Variants in HS6ST3 observed in about 807,000 individuals in gnomAD.
HS6ST3 encodes heparan-sulfate 6-O-sulfotransferase 3.
In HS6ST3, 12 loss-of-function variants were observed where a neutral mutation model predicts 36.7. The ratio of observed to expected loss-of-function variants is 0.33; its 90% CI spans 0.21 to 0.53. The LOEUF (loss-of-function observed/expected upper bound fraction) is 0.53, where lower values mean the gene tolerates loss of function less well. Among genes scored for constraint, HS6ST3 ranks in the 20% least tolerant of loss-of-function variants. HS6ST3 has a pLI of 0.95. For missense variants in HS6ST3, 584 were observed against 640.9 expected, an observed-to-expected ratio of 0.91 and a Z score of 0.96; for synonymous variants, 240 against 257.5, an observed-to-expected ratio of 0.93 and a Z score of 0.65.
chr13:96,779,193 T>C (rs1257610371), intron 1 of HS6ST3, among the ~76,000 whole-genome samples: 4 of 151,872 alleles, frequency 2.6e-5, no homozygotes, highest in African/African-American at 4.8e-5. Context: ...AGGGGAGGGA[T>C]AGAATTAGTA....
intron 1 of HS6ST3, among the ~76,000 whole-genome samples, chr13:96,286,265 T>C (rs1055514365): frequency 2.6e-5 from 4 of 152,150 alleles, no homozygotes; most frequent in African/African-American, 9.7e-5. Flanking sequence ...TCTCCTTCTT[T>C]TTCTGCTTTA....
At chr13:96,575,145 A>T (rs1447240128) in intron 1 of HS6ST3, among the ~76,000 whole-genome samples, 1 of 152,148 alleles carries the variant, frequency 6.6e-6, no homozygotes, top group Non-Finnish European at 1.5e-5. Context: ...TTGGCAAGCC[A>T]TGGATATTTT....
chr13:96,776,263 C>T (rs768685448), intron 1 of HS6ST3, among the ~76,000 whole-genome samples: 1 of 152,070 alleles, frequency 6.6e-6, no homozygotes, highest in Admixed American at 6.6e-5. Flanking sequence ...AACACCCTAA[C>T]ATCACAATGA....
chr13:96,191,611 A>G (rs2054288851), intron 1 of HS6ST3, among the ~76,000 whole-genome samples: 2 of 151,940 alleles, frequency 1.3e-5, no homozygotes, highest in South Asian at 2.1e-4. Flanking sequence ...GTTCCTTCCT[A>G]TTTTAACATC....
At chr13:96,633,981 C>T (rs2056540554) in intron 1 of HS6ST3, among the ~76,000 whole-genome samples, 1 of 152,066 alleles carries the variant, frequency 6.6e-6, no homozygotes, top group African/African-American at 2.4e-5. Context: ...GGATGAAGTT[C>T]TCATGAATGG....
intron 1 of HS6ST3, among the ~76,000 whole-genome samples, chr13:96,385,180 C>CAAAAAAA (rs11317656): frequency 3.1e-5 from 4 of 129,344 alleles, no homozygotes; most frequent in Admixed American, 8.3e-5. Context: ...ACTCTGTATC[C>CAAAAAAA]AAAAAAAAAA....
At chr13:96,631,373 A>G (rs1204826717) in intron 1 of HS6ST3, among the ~76,000 whole-genome samples, 1 of 152,228 alleles carries the variant, frequency 6.6e-6, no homozygotes, top group Non-Finnish European at 1.5e-5. Context: ...GGGAGTAGGA[A>G]TTATAAATTT....
intron 1 of HS6ST3, among the ~76,000 whole-genome samples, chr13:96,275,356 C>T (rs2054742864): frequency 1.3e-5 from 2 of 152,140 alleles, no homozygotes; most frequent in Admixed American, 6.5e-5. Context: ...CCACCTTTGT[C>T]ATTACTCTTT....
At chr13:96,709,730 A>G (rs1413984501) in intron 1 of HS6ST3, among the ~76,000 whole-genome samples, 2 of 152,190 alleles carry the variant, frequency 1.3e-5, no homozygotes, top group Non-Finnish European at 2.9e-5. Flanking sequence ...ATGAGAAATA[A>G]ATGTTGTTGC....
At chr13:96,601,012 GA>G (rs2056419625) in intron 1 of HS6ST3, among the ~76,000 whole-genome samples, 1 of 152,072 alleles carries the variant, frequency 6.6e-6, no homozygotes, top group African/African-American at 2.4e-5. Flanking sequence ...TTTTGGCTTG[GA>G]AGGTTTCATT....
chr13:96,179,635 A>C (rs1033868827), intron 1 of HS6ST3, among the ~76,000 whole-genome samples: 4 of 152,174 alleles, frequency 2.6e-5, no homozygotes, highest in Non-Finnish European at 5.9e-5. Context: ...GCGGGAGACT[A>C]TTACTAAGTC....
At chr13:96,204,957 A>G (rs996162005) in intron 1 of HS6ST3, among the ~76,000 whole-genome samples, 2 of 152,174 alleles carry the variant, frequency 1.3e-5, no homozygotes, top group Admixed American at 6.5e-5. Context: ...CAAACTCGAA[A>G]TCTAGCAAAA....
intron 1 of HS6ST3, among the ~76,000 whole-genome samples, chr13:96,617,251 A>T (rs1045099029): frequency 6.6e-6 from 1 of 152,208 alleles, no homozygotes; most frequent in African/African-American, 2.4e-5. Flanking sequence ...ATTTCAAATG[A>T]CATTTCATTC....
chr13:96,465,489 G>A lies in HS6ST3; in HGVS notation c.708-367001G>A, dbSNP rs553117463. Among the ~76,000 whole-genome samples, 11 of 152,282 alleles carry A rather than the reference G, an allele frequency of 7.2e-5. No individual in the cohort carries two copies. In the East Asian group the frequency reaches 2.1e-3, roughly 29 times the overall value. ...AGGAATGAAAAGAAGCAAGCCTCCA[G>A]TTGTACATAGTATACGGTTTCATTT... On this transcript the variant is annotated intron_variant, in intron 1 of 1. Coordinates refer to ENST00000376705, the MANE Select transcript of HS6ST3 (RefSeq NM_153456.4).
At chr13:96,461,453 TA>T (rs2055783886) in intron 1 of HS6ST3, among the ~76,000 whole-genome samples, 1 of 152,220 alleles carries the variant, frequency 6.6e-6, no homozygotes. Context: ...ATACATGTCC[TA>T]GAAATAAGGA....
At chr13:96,405,682 A>T (rs2055473941) in intron 1 of HS6ST3, among the ~76,000 whole-genome samples, 1 of 152,210 alleles carries the variant, frequency 6.6e-6, no homozygotes, top group Non-Finnish European at 1.5e-5. Context: ...ATGCAAAAAG[A>T]TTACCTATAG....
At chr13:96,826,395 G>A (rs192720573) in intron 1 of HS6ST3, among the ~76,000 whole-genome samples, 21 of 152,284 alleles carry the variant, frequency 1.4e-4, no homozygotes, top group Admixed American at 7.2e-4. Flanking sequence ...TTCATGTAGT[G>A]ATAATGTTCT....
At chr13:96,704,952 T>G (rs188251446) in intron 1 of HS6ST3, among the ~76,000 whole-genome samples, 29 of 152,320 alleles carry the variant, frequency 1.9e-4, no homozygotes, top group Admixed American at 1.8e-3. Flanking sequence ...TATGATATTT[T>G]AAAAATAAAC....
chr13:96,254,150 T>G (rs2054620386), intron 1 of HS6ST3, among the ~76,000 whole-genome samples: 1 of 151,896 alleles, frequency 6.6e-6, no homozygotes, highest in Non-Finnish European at 1.5e-5. Context: ...GCGCGGTGGC[T>G]CATGCCTGTA....
Sources: gnomAD v4.1 joint callset for allele counts (sites outside exome capture counted in the v4.1 genomes callset) on GRCh38, gnomAD v4.1.1 for gene constraint, MANE v1.5 for transcripts, NCBI Gene and HGNC (gene_info 2026-07-23, HGNC 2026-07-21) for gene names.